SLC35F1: variants seen among roughly 807,000 people sequenced by gnomAD.
SLC35F1 encodes the protein solute carrier family 35 member F1.
SLC35F1 carries 14 observed loss-of-function variants against 48.7 expected under a neutral mutation model. The ratio of observed to expected loss-of-function variants is 0.29; its 90% CI spans 0.19 to 0.45. The LOEUF is 0.45. Among genes scored for constraint, SLC35F1 ranks in the 20% least tolerant of loss-of-function variants. SLC35F1 has a pLI of 1.00. For synonymous variants in SLC35F1, 190 were observed against 202.2 expected, an observed-to-expected ratio of 0.94 and a Z score of 0.51; for missense variants, 404 against 500.0, an observed-to-expected ratio of 0.81 and a Z score of 1.83.
intron 1 of SLC35F1, among the ~76,000 whole-genome samples, chr6:118,070,941 C>T (rs1459907525): frequency 1.0e-5 from 1 of 95,322 alleles, no homozygotes; most frequent in African/African-American, 3.7e-5. Flanking sequence ...ACTATATATA[C>T]ATAGTATATA....
chr6:117,966,189 G>C (rs950952928), intron 1 of SLC35F1, among the ~76,000 whole-genome samples: 19 of 134,516 alleles, frequency 1.4e-4, no homozygotes, highest in Admixed American at 4.9e-4. Flanking sequence ...TGGGGTCCCT[G>C]TCCATGCTGT....
chr6:118,051,929 A>T (rs903249626), intron 1 of SLC35F1, among the ~76,000 whole-genome samples: 2 of 152,134 alleles, frequency 1.3e-5, no homozygotes, highest in Non-Finnish European at 2.9e-5. Context: ...GCATGGCCTC[A>T]ATACCTTCCC....
At chr6:117,940,326 T>C (rs1443873579) in intron 1 of SLC35F1, among the ~76,000 whole-genome samples, 2 of 152,192 alleles carry the variant, frequency 1.3e-5, no homozygotes, top group African/African-American at 4.8e-5. Context: ...TTTTCTTTCA[T>C]TACTGAGGGT....
intron 1 of SLC35F1, among the ~76,000 whole-genome samples, chr6:117,913,255 C>T (rs566229921): frequency 6.6e-6 from 1 of 152,278 alleles, no homozygotes; most frequent in African/African-American, 2.4e-5. Flanking sequence ...TGGAAAAAAC[C>T]TATGAATTTT....
chr6:118,163,254 G>A (rs945758606), intron 2 of SLC35F1, among the ~76,000 whole-genome samples: 3 of 151,984 alleles, frequency 2.0e-5, no homozygotes, highest in Non-Finnish European at 2.9e-5. Context: ...CTGAGCCACC[G>A]TGCCTGGCCA....
intron 1 of SLC35F1, among the ~76,000 whole-genome samples, chr6:118,019,822 C>A (rs969350055): frequency 2.0e-5 from 3 of 152,102 alleles, no homozygotes; most frequent in Non-Finnish European, 4.4e-5. Context: ...AGTTTTTAGC[C>A]ATAAATAACC....
intron 1 of SLC35F1, among the ~76,000 whole-genome samples, chr6:118,089,393 G>T (rs1434288634): frequency 1.3e-5 from 2 of 152,132 alleles, no homozygotes; most frequent in African/African-American, 4.8e-5. Context: ...AAGAACTGGG[G>T]CTGGGAGTTC....
At chr6:118,120,801 A>C (rs1773542998) in intron 1 of SLC35F1, among the ~76,000 whole-genome samples, 1 of 152,144 alleles carries the variant, frequency 6.6e-6, no homozygotes, top group Non-Finnish European at 1.5e-5. Flanking sequence ...TAATCCATTA[A>C]GATTCTTAAA....
intron 1 of SLC35F1, among the ~76,000 whole-genome samples, chr6:117,988,012 A>G (rs942019943): frequency 3.3e-5 from 5 of 152,094 alleles, no homozygotes; most frequent in African/African-American, 1.2e-4. Flanking sequence ...CAGGCTTTCT[A>G]GCTCCACAGA....
At chr6:118,169,472 A>C (rs191206707) in intron 2 of SLC35F1, among the ~76,000 whole-genome samples, 50 of 152,304 alleles carry the variant, frequency 3.3e-4, no homozygotes, top group African/African-American at 1.2e-3. Context: ...GAACATATTG[A>C]CTGATGCATA....
chr6:118,000,172 T>C (rs1206592118), intron 1 of SLC35F1, among the ~76,000 whole-genome samples: 1 of 152,188 alleles, frequency 6.6e-6, no homozygotes, highest in Non-Finnish European at 1.5e-5. Flanking sequence ...ACCAATATCC[T>C]TGATGAACAT....
intron 2 of SLC35F1, among the ~76,000 whole-genome samples, chr6:118,226,739 T>C (rs1167640801): frequency 6.6e-6 from 1 of 151,740 alleles, no homozygotes; most frequent in Admixed American, 6.6e-5. Context: ...TGAGGTGAGG[T>C]TAATTAATGG....
chr6:118,099,532 T>TC (rs1305117741), intron 1 of SLC35F1, among the ~76,000 whole-genome samples: 20 of 150,678 alleles, frequency 1.3e-4, no homozygotes, highest in Admixed American at 1.3e-3. Flanking sequence ...TCCCTCCTGT[T>TC]CCCCCCAAGA....
chr6:118,150,863 C>CA (rs1234042359), intron 1 of SLC35F1, among the ~76,000 whole-genome samples: 1 of 152,106 alleles, frequency 6.6e-6, no homozygotes, highest in African/African-American at 2.4e-5. Context: ...CAAAATTCTG[C>CA]AAAGTCAACA....
rs1201550408 is a variant in SLC35F1, at chr6:117,950,924, A to AT, written c.173+43032dup. Among the ~76,000 whole-genome samples the AT allele has an allele frequency of 5.9e-5, 9 of 152,270 alleles. No individual in the cohort carries two copies. In the East Asian group the frequency reaches 1.3e-3, roughly 23 times the overall value. On this transcript the variant is annotated intron_variant, in intron 1 of 7. Transcript: ENST00000360388. ...AGTCATTTCTAAGAAATGGAAATAA[A>AT]TTTTTTTCATATTATTTAACATATA...
intron 3 of SLC35F1, among the ~76,000 whole-genome samples, chr6:118,264,517 C>A (rs1775748700): frequency 6.6e-6 from 1 of 152,208 alleles, no homozygotes; most frequent in Admixed American, 6.5e-5. Flanking sequence ...TTTTCCAACT[C>A]AAACCATTAG....
intron 1 of SLC35F1, among the ~76,000 whole-genome samples, chr6:117,914,085 C>CCTATCTATCTAT (rs60175681): frequency 6.6e-4 from 96 of 145,260 alleles, no homozygotes; most frequent in South Asian, 6.9e-4. Context: ...ACAAAAGAAT[C>CCTATCTATCTAT]CTATCTATCT....
intron 1 of SLC35F1, among the ~76,000 whole-genome samples, chr6:118,043,573 A>G (rs887812336): frequency 2.0e-5 from 3 of 152,178 alleles, no homozygotes; most frequent in African/African-American, 7.2e-5. Context: ...GAATTGGTAC[A>G]TAGTAAAAGT....
chr6:118,232,548 CAA>C (rs771123566), intron 2 of SLC35F1, among the ~76,000 whole-genome samples: 32 of 50,700 alleles, frequency 6.3e-4, no homozygotes, highest in African/African-American at 1.6e-3. Context: ...AACTCCATCC[CAA>C]AAAAAAAAAA....
Sources: gnomAD v4.1 joint callset for allele counts (sites outside exome capture counted in the v4.1 genomes callset) on GRCh38, gnomAD v4.1.1 for gene constraint, MANE v1.5 for transcripts, NCBI Gene and HGNC (gene_info 2026-07-23, HGNC 2026-07-21) for gene names.